Variants in ARF4 observed in about 807,000 individuals in gnomAD.
ARF4 encodes the protein ADP-ribosylation factor 4.
In ARF4, 5 loss-of-function variants were observed where a neutral mutation model predicts 24.3. The observed-to-expected ratio is 0.21, with a 90% confidence interval of 0.11 to 0.43. The LOEUF (loss-of-function observed/expected upper bound fraction) is 0.43. ARF4 is among the 20% of genes least tolerant of loss of function. ARF4 has a pLI of 1.00. For synonymous variants in ARF4, 62 were observed against 73.5 expected, an observed-to-expected ratio of 0.84 and a Z score of 0.80; for missense variants, 107 against 213.0, an observed-to-expected ratio of 0.50 and a Z score of 3.10.
chr3:57,585,346 T>G (rs960902347), intron 1 of ARF4, among the ~76,000 whole-genome samples: 3 of 152,188 alleles, frequency 2.0e-5, no homozygotes, highest in African/African-American at 7.2e-5. Flanking sequence ...TATAACTATG[T>G]TCTAATGAAC....
chr3:57,591,102 G>T (rs1342983431), intron 1 of ARF4, among the ~76,000 whole-genome samples: 2 of 152,072 alleles, frequency 1.3e-5, no homozygotes, highest in Non-Finnish European at 2.9e-5. Context: ...AGAAAAATTA[G>T]AACCCTCATA....
intron 1 of ARF4, 79 bp from the exon 2 acceptor site, chr3:57,584,543 C>A: frequency 7.8e-7 from 1 of 1,278,052 alleles, no homozygotes; most frequent in Non-Finnish European, 1.1e-6. Context: ...ATTTATAGTT[C>A]AAAACTAGAA....
chr3:57,578,762 A>T (rs1490118063), intron 3 of ARF4, among the ~76,000 whole-genome samples: 1 of 152,134 alleles, frequency 6.6e-6, no homozygotes, highest in Admixed American at 6.5e-5. Flanking sequence ...TACAGGCATG[A>T]GCCATGGCAC....
chr3:57,572,407 A>C, intron 5 of ARF4, 109 bp from the exon 6 acceptor site: 91 of 774,328 alleles, frequency 1.2e-4, no homozygotes, highest in Middle Eastern at 3.5e-4. Context: ...CTTGCATCTC[A>C]CAAAACTCTC....
chr3:57,595,176 G>T (rs1442793464), intron 1 of ARF4, among the ~76,000 whole-genome samples: 6 of 152,110 alleles, frequency 3.9e-5, no homozygotes, highest in Non-Finnish European at 8.8e-5. Context: ...GAAAATGCTG[G>T]TAGCATACTT....
chr3:57,573,695 C>G (rs1457546779), intron 5 of ARF4, among the ~76,000 whole-genome samples: 3 of 151,758 alleles, frequency 2.0e-5, no homozygotes, highest in Non-Finnish European at 4.4e-5. Flanking sequence ...ATTCTCGTGC[C>G]TTCAGCCTCC....
chr3:57,591,403 A>G (rs2153409386), intron 1 of ARF4, among the ~76,000 whole-genome samples: 1 of 148,952 alleles, frequency 6.7e-6, no homozygotes, highest in Admixed American at 6.7e-5. Flanking sequence ...AATGAAAAGG[A>G]AAAAAAAAAG....
At position 57,581,543 on chromosome 3, in the gene ARF4, G is replaced by A. The variant is rs940635992; in HGVS notation, c.258+2355C>T. The stretch of plus-strand genomic sequence containing the variant: ...TGGCCAAGCGCAGTAGCTCATGCCT[G>A]TAATCCCAGCACTTTGGGAAGCCCA... On this transcript the variant is annotated intron_variant, in intron 3 of 5. Transcript: ENST00000303436. Among the ~76,000 whole-genome samples the A allele has an allele frequency of 4.6e-5, 7 of 152,214 alleles. No individual in the cohort carries two copies. The East Asian group carries it at 1.3e-3, about 29-fold the overall frequency.
chr3:57,595,699 A>T (rs2153409625), intron 1 of ARF4, among the ~76,000 whole-genome samples: 1 of 152,312 alleles, frequency 6.6e-6, no homozygotes, highest in Middle Eastern at 3.4e-3. Flanking sequence ...CTGTAATCCC[A>T]GCACTCTGGG....
chr3:57,597,015 C>T, intron 1 of ARF4, 59 bp downstream of exon 1: 1 of 1,581,146 alleles, frequency 6.3e-7, no homozygotes, highest in Non-Finnish European at 8.7e-7. Context: ...CAGAGGCCAC[C>T]CCAATTGTGG....
In ARF4 at chr3:57,597,189, AC is replaced by A. The variant is rs1206838532; in HGVS notation, c.-50del. ...GCAGAAGCAGAAGGGGTTTGGGGCG[AC>A]CCCGTGCTTTCTCCTTTCAAGCTCC... is the stretch of plus-strand genomic sequence containing the variant. On this transcript the variant is annotated 5_prime_UTR_variant, in exon 1 of 6. Transcript: ENST00000303436. The A allele has an allele frequency of 1.9e-6, 3 of 1,555,380 alleles. No homozygotes were observed.
At chr3:57,590,057 TCCAGCCTG>T (rs2070090006) in intron 1 of ARF4, among the ~76,000 whole-genome samples, 4 of 146,026 alleles carry the variant, frequency 2.7e-5, no homozygotes, top group Admixed American at 1.4e-4. Context: ...GCCACTGCAC[TCCAGCCTG>T]GGCAACAGAC....
intron 1 of ARF4, among the ~76,000 whole-genome samples, chr3:57,587,738 G>C (rs1218906127): frequency 6.6e-6 from 1 of 151,898 alleles, no homozygotes; most frequent in African/African-American, 2.4e-5. Context: ...CCATTTCTAG[G>C]TCACCCCAGA....
intron 1 of ARF4, among the ~76,000 whole-genome samples, chr3:57,587,517 T>C (rs963112930): frequency 7.2e-5 from 11 of 151,940 alleles, no homozygotes; most frequent in African/African-American, 2.7e-4. Flanking sequence ...CCTCTACTGA[T>C]AGGAATTTTT....
intron 1 of ARF4, among the ~76,000 whole-genome samples, chr3:57,589,336 G>A (rs151004453): frequency 1.3e-4 from 20 of 152,136 alleles, no homozygotes; most frequent in African/African-American, 4.8e-4. Context: ...GCTGAGGCAG[G>A]AGGATCCCTT....
intron 2 of ARF4, 142 bp from the exon 3 acceptor site, chr3:57,584,149 G>T: frequency 1.4e-6 from 1 of 710,792 alleles, no homozygotes; most frequent in Non-Finnish European, 2.3e-6. Context: ...CATCAACAGA[G>T]ACAAGGCCTC....
intron 1 of ARF4, among the ~76,000 whole-genome samples, chr3:57,587,839 G>A (rs532746939): frequency 1.3e-5 from 2 of 152,158 alleles, no homozygotes; most frequent in African/African-American, 4.8e-5. Flanking sequence ...CAGTTTAATG[G>A]CTCACAGCAA....
At chr3:57,592,092 C>G (rs2070123072) in intron 1 of ARF4, among the ~76,000 whole-genome samples, 1 of 152,102 alleles carries the variant, frequency 6.6e-6, no homozygotes, top group Non-Finnish European at 1.5e-5. Context: ...AAAAAATTTT[C>G]TAAAAAGCCA....
chr3:57,597,128 T>C lies in ARF4; in HGVS notation c.13A>G (p.Ile5Val), dbSNP rs769987303. 2.0e-5 allele frequency: 33 copies of C among 1,613,810 alleles called. No homozygotes were observed. Among genetic ancestry groups the C allele is most frequent in the Admixed American group, 5.0e-5 (3 of 60,002 alleles). ...AATAGTCGGGAGAAGAGGGAGGAGA[T>C]AGTGAGGCCCATGGCGGTAGTGGCA... MGLT[I>V]SSLFSRLFGK... Residue 5 changes from isoleucine to valine, a missense_variant, in exon 1 of 6, where the codon ATC (isoleucine) becomes GTC (valine). Ile to Val is a conservative substitution (Grantham distance 29, BLOSUM62 3). Coordinates refer to ENST00000303436, the MANE Select transcript of ARF4 (RefSeq NM_001660.4).
Sources: gnomAD v4.1 joint callset for allele counts (sites outside exome capture counted in the v4.1 genomes callset) on GRCh38, gnomAD v4.1.1 for gene constraint, MANE v1.5 for transcripts, NCBI Gene and HGNC (gene_info 2026-07-23, HGNC 2026-07-21) for gene names.